The following TRPS1 variants were observed in gnomAD, a reference collection of about 807,000 sequenced individuals.
The protein encoded by TRPS1 is zinc finger transcription factor Trps1.
In TRPS1, 6 loss-of-function variants were observed where a neutral mutation model predicts 101.2. The observed-to-expected ratio is 0.06, with a 90% CI of 0.03 to 0.12. TRPS1 has a LOEUF of 0.12. Among genes scored for constraint, TRPS1 ranks in the 10% least tolerant of loss-of-function variants. The pLI, the probability that TRPS1 is intolerant of heterozygous loss-of-function variation, is 1.00. For missense variants in TRPS1, 1,363 were observed against 1,567.0 expected, an observed-to-expected ratio of 0.87 and a Z score of 2.20; for synonymous variants, 578 against 589.8, an observed-to-expected ratio of 0.98 and a Z score of 0.29.
chr8:115,529,868 C>T (rs1816089418), intron 5 of TRPS1, among the ~76,000 whole-genome samples: 1 of 151,960 alleles, frequency 6.6e-6, no homozygotes, highest in Non-Finnish European at 1.5e-5. Context: ...TCAGAGGATG[C>T]TAATCACACA....
At chr8:115,430,691 T>A (rs772312163) in intron 5 of TRPS1, among the ~76,000 whole-genome samples, 3 of 152,138 alleles carry the variant, frequency 2.0e-5, no homozygotes, top group Non-Finnish European at 4.4e-5. Flanking sequence ...AGAAATGGCA[T>A]ACGTTGGTTA....
At chr8:115,668,034 G>C (rs551579922) in intron 1 of TRPS1, 4 of 840,864 alleles carry the variant, frequency 4.8e-6, no homozygotes, top group Non-Finnish European at 7.5e-6. Flanking sequence ...AGACAGCGAG[G>C]GGGAGTGGGG....
intron 6 of TRPS1, among the ~76,000 whole-genome samples, chr8:115,416,359 G>A (rs879269957): frequency 6.6e-6 from 1 of 151,468 alleles, no homozygotes; most frequent in Non-Finnish European, 1.5e-5. Context: ...CGTATTTATA[G>A]GTTAAAAATT....
chr8:115,588,733 A>C (rs1041363789), intron 4 of TRPS1, among the ~76,000 whole-genome samples: 1 of 152,222 alleles, frequency 6.6e-6, no homozygotes, highest in Non-Finnish European at 1.5e-5. Context: ...CTTGCTATGA[A>C]TTACCAAATT....
At chr8:115,644,854 C>A (rs1460791282) in intron 1 of TRPS1, among the ~76,000 whole-genome samples, 1 of 152,000 alleles carries the variant, frequency 6.6e-6, no homozygotes, top group African/African-American at 2.4e-5. Context: ...ATAGGGAGGA[C>A]CAACGAGCAC....
chr8:115,502,843 T>C (rs1375504610), intron 5 of TRPS1, among the ~76,000 whole-genome samples: 1 of 152,198 alleles, frequency 6.6e-6, no homozygotes, highest in Non-Finnish European at 1.5e-5. Context: ...GGGAATTTTT[T>C]GACAAATTAT....
intron 5 of TRPS1, among the ~76,000 whole-genome samples, chr8:115,471,095 G>C (rs1238542866): frequency 6.6e-6 from 1 of 152,120 alleles, no homozygotes; most frequent in Non-Finnish European, 1.5e-5. Context: ...AATTTCATGG[G>C]GAATCAGGTC....
At chr8:115,486,895 G>A (rs1376254198) in intron 5 of TRPS1, among the ~76,000 whole-genome samples, 3 of 152,198 alleles carry the variant, frequency 2.0e-5, no homozygotes, top group Middle Eastern at 3.2e-3. Context: ...TCCCGAAGCT[G>A]TAGGAAAGGT....
intron 1 of TRPS1, among the ~76,000 whole-genome samples, chr8:115,649,097 A>G (rs570805612): frequency 6.6e-6 from 1 of 152,218 alleles, no homozygotes; most frequent in Non-Finnish European, 1.5e-5. Context: ...AGTTCTTTTT[A>G]TAACAAGAGA....
chr8:115,525,004 T>C (rs902713839), intron 5 of TRPS1, among the ~76,000 whole-genome samples: 2 of 150,544 alleles, frequency 1.3e-5, no homozygotes, highest in Non-Finnish European at 2.9e-5. Context: ...TTTAAAGATT[T>C]GTTTCTTGTC....
chr8:115,604,499 C>G lies in TRPS1; in HGVS notation c.1470G>C (p.Arg490Ser). The change falls in exon 4 of 7, where the codon AGG becomes AGC. Residue 490 changes from arginine (R) to serine (S), a missense_variant. By Grantham distance (110) the Arg-to-Ser change is moderately radical. Coordinates refer to ENST00000395715, the MANE Select transcript of TRPS1 (RefSeq NM_014112.5). This position sits in a 1 kb window ranked among gnomAD's most constrained non-coding sequence, Gnocchi z 4.1. ...LNPELNDKLSRGSVINQNDLA... is the reference protein window; with the variant it reads ...LNPELNDKLSSGSVINQNDLA... ...GATCATTCTGATTAATGACAGAGCC[C>G]CTGGAAAGCTTATCATTTAACTCTG... The G allele has an allele frequency of 6.2e-7, 1 of 1,614,020 alleles. No individual in the cohort carries two copies. Among genetic ancestry groups the G allele is most frequent in the Non-Finnish European group, 8.5e-7 (1 of 1,179,974 alleles).
chr8:115,637,214 G>A (rs899213121), intron 1 of TRPS1: 1 of 978,200 alleles, frequency 1.0e-6, no homozygotes, highest in African/African-American at 1.8e-5. Flanking sequence ...AAGAAGCTAG[G>A]TTTAAACCAA....
chr8:115,613,131 G>A (rs1818206727), intron 3 of TRPS1, among the ~76,000 whole-genome samples: 1 of 152,046 alleles, frequency 6.6e-6, no homozygotes, highest in African/African-American at 2.4e-5. Context: ...TCAAACACCT[G>A]GATGAAATGT....
At chr8:115,628,339 T>C (rs1338943605) in intron 1 of TRPS1, among the ~76,000 whole-genome samples, 1 of 151,766 alleles carries the variant, frequency 6.6e-6, no homozygotes, top group East Asian at 1.9e-4. Flanking sequence ...AGAAATTTGG[T>C]ACAAAATACA....
intron 5 of TRPS1, among the ~76,000 whole-genome samples, chr8:115,501,885 A>C (rs1175398915): frequency 6.6e-6 from 1 of 152,096 alleles, no homozygotes; most frequent in Non-Finnish European, 1.5e-5. Context: ...ATCTCCTCAT[A>C]TCTGGACACT....
chr8:115,629,884 C>A (rs561639868), intron 1 of TRPS1, among the ~76,000 whole-genome samples: 1 of 151,850 alleles, frequency 6.6e-6, no homozygotes, highest in Non-Finnish European at 1.5e-5. Flanking sequence ...AAAACCAATG[C>A]CTGGGGTCAC....
At chr8:115,663,175 T>A (rs1226530437) in intron 1 of TRPS1, among the ~76,000 whole-genome samples, 2 of 150,986 alleles carry the variant, frequency 1.3e-5, no homozygotes, top group African/African-American at 4.9e-5. Flanking sequence ...AATAACAGAT[T>A]GAAAAACAAG....
At chr8:115,642,850 A>T (rs988682440) in intron 1 of TRPS1, among the ~76,000 whole-genome samples, 1 of 124,464 alleles carries the variant, frequency 8.0e-6, no homozygotes, top group Non-Finnish European at 1.6e-5. Flanking sequence ...GTGAAAAAAA[A>T]TATATATATA....
chr8:115,455,805 T>TG (rs1307131788), intron 5 of TRPS1, among the ~76,000 whole-genome samples: 13 of 144,788 alleles, frequency 9.0e-5, no homozygotes, highest in African/African-American at 3.4e-4. Flanking sequence ...GACAGAGTCT[T>TG]GTGGAGTCTT....
Sources: gnomAD v4.1 joint callset for allele counts (sites outside exome capture counted in the v4.1 genomes callset) on GRCh38, gnomAD v4.1.1 for gene constraint, Gnocchi (gnomAD v3.1) non-coding constraint, MANE v1.5 for transcripts, NCBI Gene and HGNC (gene_info 2026-07-23, HGNC 2026-07-21) for gene names.